GAL3ST2: variants seen among roughly 807,000 people sequenced by gnomAD.
GAL3ST2 encodes galactose-3-O-sulfotransferase 2, also known as beta-galactose-3-O-sulfotransferase 2.
Under a neutral mutation model 12.9 loss-of-function variants are expected in GAL3ST2, and 16 were observed. The observed-to-expected ratio is 1.24, with a 90% CI of 0.84 to 1.88. The LOEUF is 1.88. Among genes scored for constraint, GAL3ST2 ranks in the 40% most tolerant of loss-of-function variants. GAL3ST2 has a pLI of 0.00. For missense variants in GAL3ST2, 639 were observed against 571.8 expected (o/e 1.12, Z -1.20); for synonymous variants, 302 against 273.9 (o/e 1.10, Z -1.01).
Position 241,804,056 on chromosome 2 carries a change from C to T in GAL3ST2, c.1087C>T (p.Leu363=). The change falls in exon 4 of 4, where the codon CTG becomes TTG. Residue 363 remains leucine, a synonymous_variant. Transcript: ENST00000192314. ...NLRPGLDNQT[L]GVCQRLVMPE... Reference sequence around the variant, plus strand: ...CCGGCCGGGCCTGGACAACCAGACGCTGGGCGTGTGCCAGAGGCTTGTGAT... The same window carrying T: ...CCGGCCGGGCCTGGACAACCAGACGTTGGGCGTGTGCCAGAGGCTTGTGAT... The T allele has an allele frequency of 6.4e-7, 1 of 1,557,366 alleles. No homozygotes were observed. Among genetic ancestry groups the T allele is most frequent in the Non-Finnish European group, 8.7e-7 (1 of 1,152,654 alleles).
chr2:241,802,036 G>C lies in GAL3ST2; in HGVS notation c.375G>C (p.Gln125His), dbSNP rs1002627197. 4 of 1,607,538 alleles carry C rather than the reference G, an allele frequency of 2.5e-6. No homozygotes were observed. In the African/African-American group the frequency reaches 4.0e-5, roughly 16 times the overall value. Residue 125 changes from glutamine to histidine, a missense_variant and splice_region_variant, in exon 3 of 4, where the codon CAG becomes CAC. Transcript: ENST00000192314. The surrounding 1 kb of genome is among the most constrained non-coding windows in gnomAD (Gnocchi z 4.8). ...MCNHLRFNLPQVQKVMPNDTF... is the reference protein window; with the variant it reads ...MCNHLRFNLPHVQKVMPNDTF... ...ACCACCTGAGGTTCAACCTGCCTCAGGTACCGCGGGCCTGCTGGGGAGGAG... is the reference window on the plus strand; with the variant it reads ...ACCACCTGAGGTTCAACCTGCCTCACGTACCGCGGGCCTGCTGGGGAGGAG...
At chr2:241,787,428 C>T (rs1216077275) in intron 1 of GAL3ST2, among the ~76,000 whole-genome samples, 1 of 152,100 alleles carries the variant, frequency 6.6e-6, no homozygotes, top group Non-Finnish European at 1.5e-5. Context: ...AACTTTATGG[C>T]TCAAATCAAT....
chr2:241,796,824 C>T (rs771689964), intron 1 of GAL3ST2, among the ~76,000 whole-genome samples: 35 of 152,010 alleles, frequency 2.3e-4, no homozygotes, highest in Non-Finnish European at 3.7e-4. Flanking sequence ...GCTGGCCCCA[C>T]GTGGGGTCAG....
intron 1 of GAL3ST2, among the ~76,000 whole-genome samples, chr2:241,786,648 T>C (rs1699631924): frequency 6.6e-6 from 1 of 152,150 alleles, no homozygotes; most frequent in South Asian, 2.1e-4. Flanking sequence ...AAATAAACTT[T>C]AGATCTTGAC....
chr2:241,795,070 C>T lies in GAL3ST2; in HGVS notation c.30-3995C>T, dbSNP rs571417230. On this transcript the variant is annotated intron_variant, in intron 1 of 3. Coordinates refer to ENST00000192314, the MANE Select transcript of GAL3ST2 (RefSeq NM_022134.3). This position sits in a 1 kb window ranked among gnomAD's most constrained non-coding sequence, Gnocchi z 4.5. ...AATGTGTAACAATGTGTAACTCCTG[C>T]GTGTAAGGACAGAAACACCATCTCT... 1.7e-3 allele frequency among the ~76,000 whole-genome samples: 261 copies of T among 152,130 alleles called. 1 individual carries two copies. Among genetic ancestry groups the T allele is most frequent in the African/African-American group, 6.1e-3 (252 of 41,490 alleles).
intron 1 of GAL3ST2, among the ~76,000 whole-genome samples, chr2:241,797,342 G>A (rs982594502): frequency 1.3e-5 from 2 of 152,160 alleles, no homozygotes; most frequent in Admixed American, 6.5e-5. Context: ...TGGGAGAGCC[G>A]ATGTTCGTTA....
In GAL3ST2 at chr2:241,802,728, G is replaced by A. The variant is rs1699869812; in HGVS notation, c.376-617G>A. Among the ~76,000 whole-genome samples the A allele has an allele frequency of 6.6e-6, 1 of 152,212 alleles. No individual in the cohort carries two copies. The highest frequency in any genetic ancestry group is 2.4e-5 in the African/African-American group (1 of 41,514). ...ACTGTTCTCTCCCTGGGTTTCTGAGGATGGAGAAGCAGGCGGTGTAGTTGG... is the reference window on the plus strand; with the variant it reads ...ACTGTTCTCTCCCTGGGTTTCTGAGAATGGAGAAGCAGGCGGTGTAGTTGG... On this transcript the variant is annotated intron_variant, in intron 3 of 3. Coordinates refer to ENST00000192314, the MANE Select transcript of GAL3ST2 (RefSeq NM_022134.3). This position sits in a 1 kb window ranked among gnomAD's most constrained non-coding sequence, Gnocchi z 4.8.
rs1163807464 is a variant in GAL3ST2, at chr2:241,799,171, CCAT to C, written c.119+18_119+20del. The C allele has an allele frequency of 1.2e-4, 197 of 1,609,338 alleles. No homozygotes were observed. Among genetic ancestry groups the C allele is most frequent in the Non-Finnish European group, 1.4e-4 (170 of 1,176,190 alleles). ...GGACACACCGTAAGTCCTGCCCCCACCATAAGTCCTGCCCCGGGTACCTCCTAA... is the reference window on the plus strand; with the variant it reads ...GGACACACCGTAAGTCCTGCCCCCACAAGTCCTGCCCCGGGTACCTCCTAA... On this transcript the variant is annotated intron_variant, in intron 2 of 3. Coordinates refer to ENST00000192314, the MANE Select transcript of GAL3ST2 (RefSeq NM_022134.3).
chr2:241,801,810 C>G lies in GAL3ST2; in HGVS notation c.149C>G (p.Pro50Arg), dbSNP rs150851282. ...PLFGGQAEGPPVTNIMFLKTH... is the reference protein window; with the variant it reads ...PLFGGQAEGPRVTNIMFLKTH... ...TTTGGGGGCCAGGCTGAGGGGCCGC[C>G]GGTCACCAACATCATGTTCCTGAAG... The change falls in exon 3 of 4, where the codon CCG becomes CGG. Residue 50 changes from proline to arginine, a missense_variant. Pro to Arg is a moderately radical substitution (Grantham distance 103, BLOSUM62 -2). Transcript: ENST00000192314. The surrounding 1 kb of genome is among the most constrained non-coding windows in gnomAD (Gnocchi z 4.4). The G allele has an allele frequency of 1.9e-6, 3 of 1,612,700 alleles. No homozygotes were observed. The highest frequency in any genetic ancestry group is 2.2e-5 in the East Asian group (1 of 44,864).
At position 241,803,330 on chromosome 2, in the gene GAL3ST2, T is replaced by C; in HGVS notation, c.376-15T>C. 1 of 1,575,870 alleles carries C rather than the reference T, an allele frequency of 6.3e-7. No individual in the cohort carries two copies. Among genetic ancestry groups the C allele is most frequent in the Non-Finnish European group, 8.6e-7 (1 of 1,157,384 alleles). ...GGGCCCGCGGTCCGCAGCCCGCCTC[T>C]CTGTCGCCACACAGGTGCAGAAAGT... On this transcript the variant is annotated splice_polypyrimidine_tract_variant and intron_variant, in intron 3 of 3. Coordinates refer to ENST00000192314, the MANE Select transcript of GAL3ST2 (RefSeq NM_022134.3).
rs1203015101 is a variant in GAL3ST2, at chr2:241,800,265, T to A, written c.119+1111T>A. Among the ~76,000 whole-genome samples the A allele has an allele frequency of 1.3e-5, 2 of 150,706 alleles. No homozygotes were observed. The highest frequency in any genetic ancestry group is 5.0e-5 in the African/African-American group (2 of 40,242). ...CTATGAATGTGGAGAGGACACTTTG[T>A]TTCTTAAAAAGTGTGGACATCCCAC... On this transcript the variant is annotated intron_variant, in intron 2 of 3. Transcript: ENST00000192314. This position sits in a 1 kb window ranked among gnomAD's most constrained non-coding sequence, Gnocchi z 5.2.
chr2:241,790,403 A>G (rs1699681030), intron 1 of GAL3ST2, among the ~76,000 whole-genome samples: 1 of 152,120 alleles, frequency 6.6e-6, no homozygotes, highest in Admixed American at 6.6e-5. Flanking sequence ...AGCTGAGAAA[A>G]CTTTTCTTTT....
intron 1 of GAL3ST2, among the ~76,000 whole-genome samples, chr2:241,787,400 T>G (rs1228305873): frequency 2.0e-5 from 3 of 152,206 alleles, no homozygotes; most frequent in Non-Finnish European, 4.4e-5. Flanking sequence ...CTATTGGTGC[T>G]TGGTATTGGC....
Position 241,803,829 on chromosome 2 carries a change from A to C in GAL3ST2, c.860A>C (p.Asn287Thr). The part of the protein sequence containing the change: ...ALDWRLYEHF[N>T]RTLWAQLRAE... ...GACTGGCGCCTGTACGAGCATTTCA[A>C]CCGCACCCTCTGGGCGCAGCTGCGC... is the stretch of plus-strand genomic sequence containing the variant. Residue 287 changes from asparagine to threonine, a missense_variant, in exon 4 of 4, where the codon AAC becomes ACC. Transcript: ENST00000192314. The C allele has an allele frequency of 6.7e-7, 1 of 1,487,588 alleles. No individual in the cohort carries two copies. The highest frequency in any genetic ancestry group is 8.9e-7 in the Non-Finnish European group (1 of 1,127,392). 92.1% of individuals were successfully genotyped at this position (1,487,588 alleles called of 1,614,324 possible).
intron 1 of GAL3ST2, among the ~76,000 whole-genome samples, chr2:241,781,575 A>C (rs1699567052): frequency 6.6e-6 from 1 of 152,054 alleles, no homozygotes; most frequent in South Asian, 2.1e-4. Flanking sequence ...AGTATAATTT[A>C]ACATAAGAAT....
At chr2:241,784,311 G>A (rs1194629359) in intron 1 of GAL3ST2, among the ~76,000 whole-genome samples, 1 of 152,194 alleles carries the variant, frequency 6.6e-6, no homozygotes, top group African/African-American at 2.4e-5. Flanking sequence ...GGGATTACAG[G>A]CGTGAGCCAC....
chr2:241,779,351 A>G (rs892847627), intron 1 of GAL3ST2, among the ~76,000 whole-genome samples: 11 of 143,696 alleles, frequency 7.7e-5, no homozygotes, highest in Admixed American at 1.4e-4. Flanking sequence ...CTCCCGCCTC[A>G]GCCTCCCGAG....
chr2:241,796,822 C>T (rs1249277163), intron 1 of GAL3ST2, among the ~76,000 whole-genome samples: 1 of 152,082 alleles, frequency 6.6e-6, no homozygotes, highest in Admixed American at 6.5e-5. Flanking sequence ...GAGCTGGCCC[C>T]ACGTGGGGTC....
rs562468514 is a variant in GAL3ST2, at chr2:241,779,150, T to G, written c.29+2166T>G. Among the ~76,000 whole-genome samples, 27 of 151,746 alleles carry G rather than the reference T, an allele frequency of 1.8e-4. No individual in the cohort carries two copies. The Middle Eastern group carries it at 0.017, about 97-fold the overall frequency. On this transcript the variant is annotated intron_variant, in intron 1 of 3. Coordinates refer to ENST00000192314, the MANE Select transcript of GAL3ST2 (RefSeq NM_022134.3). ...TGAGTCTCTGGTCCCAGGTTTTGTC[T>G]TATCTCTCATGGCTAGGATAGTTTA...
Sources: gnomAD v4.1 joint callset for allele counts (sites outside exome capture counted in the v4.1 genomes callset) on GRCh38, gnomAD v4.1.1 for gene constraint, Gnocchi (gnomAD v3.1) non-coding constraint, MANE v1.5 for transcripts, NCBI Gene and HGNC (gene_info 2026-07-23, HGNC 2026-07-21) for gene names.